OSBPL11: variants seen among roughly 807,000 people sequenced by gnomAD.
OSBPL11 encodes oxysterol binding protein like 11, also known as oxysterol-binding protein-related protein 11.
OSBPL11 carries 33 observed loss-of-function variants against 84.4 expected under a neutral mutation model. That is an observed-to-expected ratio of 0.39 (90% CI 0.30 to 0.52). The LOEUF is 0.52. Ranked by LOEUF, OSBPL11 falls within the 20% of genes least tolerant of loss-of-function variation. OSBPL11 has a pLI of 0.72. For synonymous variants in OSBPL11, 276 were observed against 310.2 expected (o/e 0.89, Z 1.16); for missense variants, 736 against 901.1 (o/e 0.82, Z 2.35).
At chr3:125,593,343 G>A (rs1936629642) in intron 1 of OSBPL11, among the ~76,000 whole-genome samples, 1 of 152,190 alleles carries the variant, frequency 6.6e-6, no homozygotes, top group Non-Finnish European at 1.5e-5. Flanking sequence ...CTTCTGGCCA[G>A]GCGCGGTGGC....
chr3:125,561,976 G>A (rs1188064902), intron 7 of OSBPL11, among the ~76,000 whole-genome samples: 2 of 152,138 alleles, frequency 1.3e-5, no homozygotes, highest in African/African-American at 4.8e-5. Context: ...AAATTACCAG[G>A]CAAGCTTTCT....
At chr3:125,565,876 C>T (rs2107602061) in intron 6 of OSBPL11, among the ~76,000 whole-genome samples, 1 of 151,868 alleles carries the variant, frequency 6.6e-6, no homozygotes, top group South Asian at 2.1e-4. Flanking sequence ...TATGAATGCC[C>T]TTTCCTCTAC....
rs541308931 is a variant in OSBPL11 at position 125,588,260 on chromosome 3, T to C, written c.165-5282A>G. On this transcript the variant is annotated intron_variant, in intron 1 of 12. Coordinates refer to ENST00000296220, the MANE Select transcript of OSBPL11 (RefSeq NM_022776.5). ...AAAAAAAAGAGAAGTTCAGTGCTAC[T>C]GATAAAGTAAGATATGACAAAGACT... Among the ~76,000 whole-genome samples the C allele has an allele frequency of 2.0e-5, 3 of 149,326 alleles. No homozygotes were observed. The South Asian group carries it at 6.3e-4, about 32-fold the overall frequency.
intron 12 of OSBPL11, 137 bp downstream of exon 12, chr3:125,531,724 A>G (rs971241348): frequency 1.2e-6 from 1 of 812,098 alleles, no homozygotes; most frequent in African/African-American, 1.8e-5. Context: ...TGGTCTCAAA[A>G]ACAGTTGGTA....
chr3:125,589,156 C>T (rs897394936), intron 1 of OSBPL11, among the ~76,000 whole-genome samples: 4 of 152,070 alleles, frequency 2.6e-5, no homozygotes, highest in Non-Finnish European at 5.9e-5. Context: ...CGAAATCAGC[C>T]TGGCCAACAT....
chr3:125,534,967 A>AAAAG (rs1288433920), intron 11 of OSBPL11, among the ~76,000 whole-genome samples: 1 of 149,926 alleles, frequency 6.7e-6, no homozygotes, highest in African/African-American at 2.4e-5. Flanking sequence ...AAAAAAAAAA[A>AAAAG]AAAAAAAAAA....
At chr3:125,550,900 A>C (rs1226503059) in intron 9 of OSBPL11, among the ~76,000 whole-genome samples, 1 of 152,176 alleles carries the variant, frequency 6.6e-6, no homozygotes, top group Admixed American at 6.5e-5. Context: ...TAAAGTGCTG[A>C]GATTACAGGC....
chr3:125,533,192 C>T (rs544249651), intron 11 of OSBPL11, among the ~76,000 whole-genome samples: 1 of 149,014 alleles, frequency 6.7e-6, no homozygotes, highest in East Asian at 2.0e-4. Context: ...TCTTCCTCCC[C>T]TTCCCTCCCT....
At chr3:125,533,699 A>G (rs1172512198) in intron 11 of OSBPL11, among the ~76,000 whole-genome samples, 3 of 152,240 alleles carry the variant, frequency 2.0e-5, no homozygotes. Flanking sequence ...AAAAACAGAA[A>G]CATCAAGACA....
At chr3:125,575,690 C>A (rs889661020) in intron 5 of OSBPL11, among the ~76,000 whole-genome samples, 2 of 147,310 alleles carry the variant, frequency 1.4e-5, no homozygotes, top group South Asian at 2.2e-4. Context: ...CCACCACCCC[C>A]AGCTAAAATT....
At chr3:125,574,961 T>C (rs1343430529) in intron 5 of OSBPL11, among the ~76,000 whole-genome samples, 1 of 152,200 alleles carries the variant, frequency 6.6e-6, no homozygotes, top group Admixed American at 6.5e-5. Context: ...CCACACGGCA[T>C]CTAACATTTA....
chr3:125,541,809 C>G (rs747181551), intron 10 of OSBPL11, among the ~76,000 whole-genome samples: 9 of 152,158 alleles, frequency 5.9e-5, no homozygotes, highest in African/African-American at 9.7e-5. Context: ...TATTAAACTC[C>G]TGGGTTCAAG....
intron 5 of OSBPL11, among the ~76,000 whole-genome samples, chr3:125,570,453 G>T (rs567623900): frequency 6.6e-6 from 1 of 152,046 alleles, no homozygotes; most frequent in Non-Finnish European, 1.5e-5. Context: ...AGAGTTCGAG[G>T]CTGCAGTGAG....
chr3:125,594,997 G>A lies in OSBPL11; in HGVS notation c.-197C>T. On this transcript the variant is annotated 5_prime_UTR_variant, in exon 1 of 13. Transcript: ENST00000296220. ...CAGAAGTTAAACTTTTGAGAGGGCA[G>A]GGGAAGCAACGAGGACAGATATCCT... is the stretch of plus-strand genomic sequence containing the variant. The A allele has an allele frequency of 1.7e-6, 1 of 576,736 alleles. No homozygotes were observed. The highest frequency in any genetic ancestry group is 2.4e-5 in the South Asian group (1 of 41,918). The allele number at this position is 576,736 out of a possible 1,614,324, so 35.7% of individuals were successfully genotyped here.
chr3:125,578,049 T>C (rs1400203307), intron 4 of OSBPL11, among the ~76,000 whole-genome samples: 1 of 152,192 alleles, frequency 6.6e-6, no homozygotes, highest in African/African-American at 2.4e-5. Flanking sequence ...ATTAAAATAA[T>C]GAATGTTTTC....
intron 4 of OSBPL11, among the ~76,000 whole-genome samples, chr3:125,576,842 C>T (rs1397759097): frequency 5.3e-5 from 8 of 152,194 alleles, no homozygotes; most frequent in Non-Finnish European, 8.8e-5. Context: ...CACCACCATG[C>T]CCAGTTAATT....
intron 9 of OSBPL11, among the ~76,000 whole-genome samples, chr3:125,547,998 T>A (rs1474941407): frequency 6.6e-6 from 1 of 152,070 alleles, no homozygotes; most frequent in Admixed American, 6.6e-5. Context: ...TGCCTCAGCC[T>A]CCCAAGTAGC....
At chr3:125,582,320 C>T (rs563358702) in intron 2 of OSBPL11, among the ~76,000 whole-genome samples, 4 of 149,338 alleles carry the variant, frequency 2.7e-5, no homozygotes, top group Non-Finnish European at 5.9e-5. Flanking sequence ...GGTGACAGAG[C>T]GAGACTCCGT....
At chr3:125,562,257 C>T (rs1278030827) in intron 7 of OSBPL11, among the ~76,000 whole-genome samples, 3 of 152,116 alleles carry the variant, frequency 2.0e-5, no homozygotes. Context: ...TGTTGTGACT[C>T]CAAGCAGATT....
Sources: allele counts gnomAD v4.1 joint callset (sites outside exome capture counted in the v4.1 genomes callset), GRCh38; gene constraint gnomAD v4.1.1; transcripts MANE v1.5; gene names NCBI Gene and HGNC (gene_info 2026-07-23, HGNC 2026-07-21).